The following PDE11A variants were observed in gnomAD, a reference collection of about 807,000 sequenced individuals.
PDE11A encodes dual 3',5'-cyclic-AMP and -GMP phosphodiesterase 11A.
Under a neutral mutation model 100.5 loss-of-function variants are expected in PDE11A, and 100 were observed. The ratio of observed to expected loss-of-function variants is 1.00; its 90% CI spans 0.85 to 1.18. The LOEUF is 1.18. Ranked by LOEUF, PDE11A falls within the 50% of genes most tolerant of loss-of-function variation. PDE11A has a pLI of 0.00. For synonymous variants in PDE11A, 381 were observed against 420.8 expected (o/e 0.91, Z 1.16); for missense variants, 1,141 against 1,152.6 (o/e 0.99, Z 0.15).
intron 1 of PDE11A, among the ~76,000 whole-genome samples, chr2:178,017,032 A>G (rs1019736279): frequency 1.3e-5 from 2 of 152,256 alleles, no homozygotes; most frequent in African/African-American, 4.8e-5. Context: ...CAACTAAAAT[A>G]TAAAATCTAA....
chr2:177,836,567 C>T (rs548907453), intron 6 of PDE11A, among the ~76,000 whole-genome samples: 9 of 152,316 alleles, frequency 5.9e-5, no homozygotes, highest in East Asian at 1.9e-4. Flanking sequence ...AGCAGGCTGC[C>T]GGAGCCAACA....
At chr2:177,831,968 G>A (rs966556509) in intron 6 of PDE11A, among the ~76,000 whole-genome samples, 15 of 152,166 alleles carry the variant, frequency 9.9e-5, no homozygotes, top group African/African-American at 3.6e-4. Context: ...GGCAGTACAG[G>A]TATTACAGTA....
At chr2:177,847,574 G>A (rs1314758208) in intron 5 of PDE11A, among the ~76,000 whole-genome samples, 1 of 152,126 alleles carries the variant, frequency 6.6e-6, no homozygotes, top group Non-Finnish European at 1.5e-5. Flanking sequence ...ATTGTAAGAC[G>A]ACAGACACCT....
intron 2 of PDE11A, among the ~76,000 whole-genome samples, chr2:178,008,262 A>G (rs2105823032): frequency 6.6e-6 from 1 of 152,328 alleles, no homozygotes; most frequent in South Asian, 2.1e-4. Context: ...GTACCTTTGA[A>G]AAGTACCTTC....
Position 177,629,388 on chromosome 2 carries a change from C to G in PDE11A, c.*19G>C. ...CCTTCAGGCTGTAGTCATTTTGCAG[C>G]TGCAGCTGACCTGGAGGTTTAGTTC... On this transcript the variant is annotated 3_prime_UTR_variant, in exon 20 of 20. Coordinates refer to ENST00000286063, the MANE Select transcript of PDE11A (RefSeq NM_016953.4). 6.2e-7 allele frequency: 1 copy of G among 1,611,706 alleles called. No individual in the cohort carries two copies. Among genetic ancestry groups the G allele is most frequent in the Non-Finnish European group, 8.5e-7 (1 of 1,178,648 alleles).
chr2:177,853,960 G>T lies in PDE11A; in HGVS notation c.1368-13577C>A, dbSNP rs1385031810. Among the ~76,000 whole-genome samples the T allele has an allele frequency of 2.7e-5, 4 of 147,290 alleles. No individual in the cohort carries two copies. In the East Asian group the frequency reaches 8.0e-4, roughly 29 times the overall value. On this transcript the variant is annotated intron_variant, in intron 5 of 19. Transcript: ENST00000286063. The stretch of plus-strand genomic sequence containing the variant: ...TGTGTATATATATCTATATATATGT[G>T]TATACACACACACACACACAGCAAG...
intron 2 of PDE11A, among the ~76,000 whole-genome samples, chr2:177,936,272 G>T (rs1376703558): frequency 6.6e-6 from 1 of 152,118 alleles, no homozygotes; most frequent in East Asian, 1.9e-4. Context: ...TTCCATGTCT[G>T]GTCTATTTTG....
intron 9 of PDE11A, among the ~76,000 whole-genome samples, chr2:177,796,021 G>A (rs2082703738): frequency 7.0e-6 from 1 of 142,340 alleles, no homozygotes. Context: ...CTAGAGTGGA[G>A]AGAGTGGAGT....
At chr2:177,841,679 A>C (rs11904461) in intron 5 of PDE11A, among the ~76,000 whole-genome samples, 4,350 of 152,326 alleles carry the variant, frequency 0.029, 197 homozygotes, top group African/African-American at 0.099. Flanking sequence ...TGTCTGATAA[A>C]TTCAGCATGT....
Position 177,628,733 on chromosome 2 carries a change from T to C in PDE11A, c.*674A>G, listed in dbSNP as rs1312024478. The stretch of plus-strand genomic sequence containing the variant: ...TGTAATGAAGGTTGAATTTTAAAAC[T>C]CTGGAAAAGGGTACCATAGTCCCAG... On this transcript the variant is annotated 3_prime_UTR_variant, in exon 20 of 20. Coordinates refer to ENST00000286063, the MANE Select transcript of PDE11A (RefSeq NM_016953.4). 2.0e-5 allele frequency: 3 copies of C among 152,452 alleles called. No individual in the cohort carries two copies. Among genetic ancestry groups the C allele is most frequent in the South Asian group, 4.1e-4 (2 of 4,828 alleles). 9.4% of individuals were successfully genotyped at this position (152,452 alleles called of 1,614,324 possible). A position where few individuals can be genotyped will look rare whatever the true frequency, so the allele number is the denominator to read the frequency against.
chr2:177,979,489 T>C (rs1318779749), intron 2 of PDE11A, among the ~76,000 whole-genome samples: 1 of 150,504 alleles, frequency 6.6e-6, no homozygotes, highest in South Asian at 2.2e-4. Flanking sequence ...TTTTGAAACA[T>C]GGAACACCTA....
chr2:177,946,842 T>G (rs1238976924), intron 2 of PDE11A, among the ~76,000 whole-genome samples: 1 of 62,780 alleles, frequency 1.6e-5, no homozygotes, highest in Non-Finnish European at 3.2e-5. Context: ...GTGGGGGGGG[T>G]CAGCCCCCCT....
chr2:177,929,627 T>C (rs1379235973), intron 2 of PDE11A, among the ~76,000 whole-genome samples: 2 of 152,208 alleles, frequency 1.3e-5, no homozygotes, highest in Non-Finnish European at 2.9e-5. Flanking sequence ...CCTGGGTTTC[T>C]TTTACAGTTA....
At chr2:177,763,097 T>A (rs543798600) in intron 10 of PDE11A, among the ~76,000 whole-genome samples, 3 of 152,272 alleles carry the variant, frequency 2.0e-5, no homozygotes, top group African/African-American at 7.2e-5. Context: ...CTCCGCATAT[T>A]TATGGATGCG....
At chr2:177,750,176 G>T (rs1474937180) in intron 10 of PDE11A, among the ~76,000 whole-genome samples, 1 of 152,180 alleles carries the variant, frequency 6.6e-6, no homozygotes, top group Non-Finnish European at 1.5e-5. Context: ...TCCCTGGCTG[G>T]AGGTAAAGAC....
intron 2 of PDE11A, among the ~76,000 whole-genome samples, chr2:177,906,215 CCTAGGAAGAGGTAA>C (rs2105736932): frequency 6.6e-6 from 1 of 151,950 alleles, no homozygotes; most frequent in South Asian, 2.1e-4. Context: ...ACAATGGTGC[CCTAGGAAGAGGTAA>C]CAAGCGCTGG....
chr2:178,062,052 G>T (rs2086978081), intron 1 of PDE11A, among the ~76,000 whole-genome samples: 1 of 152,158 alleles, frequency 6.6e-6, no homozygotes, highest in Admixed American at 6.5e-5. Flanking sequence ...ATGAGTAAAA[G>T]AAAGGATCAA....
At chr2:177,680,430 C>T (rs776299815) in intron 16 of PDE11A, among the ~76,000 whole-genome samples, 16 of 152,082 alleles carry the variant, frequency 1.1e-4, no homozygotes, top group South Asian at 6.2e-4. Flanking sequence ...GTTTTCTATC[C>T]GCAATGCCTA....
intron 2 of PDE11A, among the ~76,000 whole-genome samples, chr2:177,925,861 C>A (rs759996555): frequency 2.0e-5 from 3 of 152,162 alleles, no homozygotes; most frequent in Non-Finnish European, 4.4e-5. Flanking sequence ...AAAATGAAAT[C>A]TTTTTTCTTC....
Sources: allele counts gnomAD v4.1 joint callset (sites outside exome capture counted in the v4.1 genomes callset), GRCh38; gene constraint gnomAD v4.1.1; transcripts MANE v1.5; gene names NCBI Gene and HGNC (gene_info 2026-07-23, HGNC 2026-07-21).